MYH10: variants seen among roughly 807,000 people sequenced by gnomAD.
MYH10 encodes the protein myosin-10.
Under a neutral mutation model 257.8 loss-of-function variants are expected in MYH10, and 55 were observed. That is an observed-to-expected ratio of 0.21 (90% CI 0.17 to 0.27). MYH10 has a LOEUF of 0.27. Ranked by LOEUF, MYH10 falls within the 10% of genes least tolerant of loss-of-function variation. MYH10 has a pLI of 1.00. For synonymous variants in MYH10, 854 were observed against 921.7 expected, an observed-to-expected ratio of 0.93 and a Z score of 1.33; for missense variants, 1,631 against 2,500.6, an observed-to-expected ratio of 0.65 and a Z score of 7.42.
At chr17:8,492,626 A>C (rs957930111) in intron 33 of MYH10, 117 bp from the exon 34 acceptor site, 1 of 1,147,938 alleles carries the variant, frequency 8.7e-7, no homozygotes, top group Non-Finnish European at 1.2e-6. Context: ...GTGTTCTTGT[A>C]TTTCCTTTTT....
intron 1 of MYH10, among the ~76,000 whole-genome samples, chr17:8,629,664 T>C (rs1328105925): frequency 6.6e-6 from 1 of 152,090 alleles, no homozygotes; most frequent in Admixed American, 6.5e-5. Context: ...GACCCCCAAC[T>C]GCAGAAGGCA....
intron 24 of MYH10, among the ~76,000 whole-genome samples, chr17:8,511,788 A>G (rs1001592977): frequency 6.6e-6 from 1 of 152,232 alleles, no homozygotes; most frequent in African/African-American, 2.4e-5. Flanking sequence ...CTCATGGTCA[A>G]TTCCATTTCA....
chr17:8,488,943 G>A (rs1225368330), intron 35 of MYH10, among the ~76,000 whole-genome samples: 1 of 152,118 alleles, frequency 6.6e-6, no homozygotes, highest in African/African-American at 2.4e-5. Flanking sequence ...TTAAAGAGTT[G>A]GAGCATAATC....
At position 8,490,532 on chromosome 17, in the gene MYH10, G is replaced by C; in HGVS notation, c.4692C>G (p.Ser1564=). The part of the protein sequence containing the change: ...VGKNVHELEK[S]KRALEQQVEE... ...CCACCTGCTGCTCTAGGGCCCGTTT[G>C]GATTTTTCAAGTTCGTGAACCTAAA... The change falls in exon 35 of 43, where the codon TCC becomes TCG. Residue 1564 remains serine, a synonymous_variant. Transcript: ENST00000360416. This position sits in a 1 kb window ranked among gnomAD's most constrained non-coding sequence, Gnocchi z 4.1. The C allele has an allele frequency of 6.2e-7, 1 of 1,614,152 alleles. No individual in the cohort carries two copies. Among genetic ancestry groups the C allele is most frequent in the South Asian group, 1.1e-5 (1 of 91,086 alleles).
At chr17:8,502,030 C>A (rs34681962) in intron 28 of MYH10, among the ~76,000 whole-genome samples, 1 of 152,000 alleles carries the variant, frequency 6.6e-6, no homozygotes, top group East Asian at 1.9e-4. Flanking sequence ...CTGCTAAGAC[C>A]TATATTAGCA....
At position 8,577,183 on chromosome 17, in the gene MYH10, C is replaced by A. The variant is rs570080710; in HGVS notation, c.633+53G>T. The stretch of plus-strand genomic sequence containing the variant: ...TAGACTGGCTTCCTTATTTTTGTTT[C>A]TGAAATTATAAAAGAAGAAGAAGAT... On this transcript the variant is annotated intron_variant, in intron 5 of 42. Transcript: ENST00000360416. 8.5e-5 allele frequency: 122 copies of A among 1,441,838 alleles called. No homozygotes were observed. The African/African-American group carries it at 1.4e-3, about 16-fold the overall frequency. 89.3% of individuals were successfully genotyped at this position (1,441,838 alleles called of 1,614,324 possible). A position where few individuals can be genotyped will look rare whatever the true frequency, so the allele number is the denominator to read the frequency against.
chr17:8,562,555 T>A (rs2083033000), intron 7 of MYH10, among the ~76,000 whole-genome samples: 1 of 152,216 alleles, frequency 6.6e-6, no homozygotes, highest in African/African-American at 2.4e-5. Flanking sequence ...CACTCCATAA[T>A]TGATTTGCAT....
Position 8,512,621 on chromosome 17 carries a change from G to A in MYH10, c.2782C>T (p.Gln928Ter). 6.2e-7 allele frequency: 1 copy of A among 1,612,960 alleles called. No individual in the cohort carries two copies. The highest frequency in any genetic ancestry group is 8.5e-7 in the Non-Finnish European group (1 of 1,179,896). The stretch of plus-strand genomic sequence containing the variant: ...TCAGCAAAGAGCTCAGTCTCTGCTT[G>A]TAGTTGTTCTGCAAGGATATTCTTC... ...EEKNILAEQL[Q>*]AETELFAEAE... Residue 928 changes from glutamine to a stop codon, truncating the protein, a stop_gained, in exon 24 of 43, where the codon CAA (glutamine) becomes TAA (stop). Transcript: ENST00000360416. LOFTEE classifies it high-confidence loss of function.
intron 7 of MYH10, among the ~76,000 whole-genome samples, chr17:8,568,963 G>A (rs1440974698): frequency 1.3e-5 from 2 of 150,916 alleles, no homozygotes; most frequent in Non-Finnish European, 3.0e-5. Flanking sequence ...TGTAATCCCA[G>A]TACTTTGGGA....
intron 28 of MYH10, among the ~76,000 whole-genome samples, chr17:8,502,520 T>G (rs2080929324): frequency 7.6e-6 from 1 of 131,028 alleles, no homozygotes; most frequent in Admixed American, 8.1e-5. Context: ...CATCCCTACT[T>G]AAATCCAGTG....
At chr17:8,530,310 T>C (rs555270533) in intron 17 of MYH10, among the ~76,000 whole-genome samples, 45 of 152,328 alleles carry the variant, frequency 3.0e-4, no homozygotes, top group African/African-American at 1.1e-3. Flanking sequence ...AATGGCACTA[T>C]TGGAAAAGGT....
Position 8,518,957 on chromosome 17 carries a change from G to A in MYH10, c.2274-7C>T. ...TGGAGTTAGGATCTCATATCTGTAAGAGAATATTCCAAGAAGTATTTTGTA... is the reference window on the plus strand; with the variant it reads ...TGGAGTTAGGATCTCATATCTGTAAAAGAATATTCCAAGAAGTATTTTGTA... On this transcript the variant is annotated splice_region_variant and splice_polypyrimidine_tract_variant and intron_variant, in intron 19 of 42. Coordinates refer to ENST00000360416, the MANE Select transcript of MYH10 (RefSeq NM_001256012.3). 1 of 1,585,120 alleles carries A rather than the reference G, an allele frequency of 6.3e-7. No homozygotes were observed. The highest frequency in any genetic ancestry group is 8.6e-7 in the Non-Finnish European group (1 of 1,159,130).
chr17:8,547,160 C>T (rs1223864666), intron 11 of MYH10, among the ~76,000 whole-genome samples: 3 of 152,206 alleles, frequency 2.0e-5, no homozygotes, highest in African/African-American at 7.2e-5. Flanking sequence ...AGCCATCCTC[C>T]TGCTTCAGCC....
At chr17:8,629,136 A>C (rs1191952936) in intron 1 of MYH10, among the ~76,000 whole-genome samples, 3 of 152,224 alleles carry the variant, frequency 2.0e-5, no homozygotes, top group Non-Finnish European at 2.9e-5. Flanking sequence ...GAAGGAGATA[A>C]AACAATAAAT....
intron 14 of MYH10, among the ~76,000 whole-genome samples, chr17:8,536,858 C>T (rs1242800700): frequency 4.0e-5 from 6 of 150,496 alleles, no homozygotes; most frequent in South Asian, 2.1e-4. Context: ...TAGTGGCAGC[C>T]GGGGATTGAA....
rs1278719969 is a variant in MYH10, at chr17:8,474,548, T to G, written c.*1256A>C. ...AGAATTAACACTGATTCATTGTCACTGAATGTCTGTAATACCACTTTGACT... is the reference window on the plus strand; with the variant it reads ...AGAATTAACACTGATTCATTGTCACGGAATGTCTGTAATACCACTTTGACT... On this transcript the variant is annotated 3_prime_UTR_variant, in exon 43 of 43. Coordinates refer to ENST00000360416, the MANE Select transcript of MYH10 (RefSeq NM_001256012.3). 6.6e-6 allele frequency: 1 copy of G among 152,670 alleles called. No individual in the cohort carries two copies. Among genetic ancestry groups the G allele is most frequent in the Non-Finnish European group, 1.5e-5 (1 of 68,040 alleles). The allele number at this position is 152,670 out of a possible 1,614,324, so 9.5% of individuals were successfully genotyped here.
intron 17 of MYH10, among the ~76,000 whole-genome samples, chr17:8,527,567 A>T (rs911950178): frequency 1.1e-4 from 17 of 152,204 alleles, no homozygotes; most frequent in Admixed American, 1.3e-4. Context: ...TACTAGACTT[A>T]TGTTAAGGAA....
At chr17:8,620,824 C>A (rs111853287) in intron 2 of MYH10, among the ~76,000 whole-genome samples, 4 of 152,250 alleles carry the variant, frequency 2.6e-5, no homozygotes, top group East Asian at 3.9e-4. Flanking sequence ...ATGATCCTCC[C>A]AAACCCCGAC....
chr17:8,609,030 C>G (rs1304698013), intron 2 of MYH10, among the ~76,000 whole-genome samples: 1 of 152,156 alleles, frequency 6.6e-6, no homozygotes, highest in Non-Finnish European at 1.5e-5. Context: ...CCAGGATGGC[C>G]TCGATCCCCT....
Sources: allele counts gnomAD v4.1 joint callset (sites outside exome capture counted in the v4.1 genomes callset), GRCh38; gene constraint gnomAD v4.1.1; non-coding constraint Gnocchi (gnomAD v3.1); transcripts MANE v1.5; gene names NCBI Gene and HGNC (gene_info 2026-07-23, HGNC 2026-07-21).